Variants in SEZ6L observed in about 807,000 individuals in gnomAD.
SEZ6L encodes seizure 6-like protein.
In SEZ6L, 37 loss-of-function variants were observed where a neutral mutation model predicts 106.2. The ratio of observed to expected loss-of-function variants is 0.35; its 90% CI spans 0.27 to 0.46. The LOEUF (loss-of-function observed/expected upper bound fraction) is 0.46. Among genes scored for constraint, SEZ6L ranks in the 20% least tolerant of loss-of-function variants. The pLI, the probability that SEZ6L is intolerant of heterozygous loss-of-function variation, is 1.00. For missense variants in SEZ6L, 1,172 were observed against 1,332.8 expected, an observed-to-expected ratio of 0.88 and a Z score of 1.88; for synonymous variants, 541 against 570.4, an observed-to-expected ratio of 0.95 and a Z score of 0.73.
chr22:26,306,465 T>C (rs1186872961), intron 6 of SEZ6L, among the ~76,000 whole-genome samples: 1 of 152,144 alleles, frequency 6.6e-6, no homozygotes, highest in Non-Finnish European at 1.5e-5. Flanking sequence ...TATGTATTGA[T>C]CATCTGCTCA....
At chr22:26,184,506 C>A (rs945963030) in intron 1 of SEZ6L, among the ~76,000 whole-genome samples, 3 of 152,198 alleles carry the variant, frequency 2.0e-5, no homozygotes, top group Non-Finnish European at 2.9e-5. Flanking sequence ...ACTGATTCAA[C>A]CCCAAGAAGC....
chr22:26,194,860 T>C (rs6004953), intron 1 of SEZ6L, among the ~76,000 whole-genome samples: 2,231 of 152,312 alleles, frequency 0.015, 55 homozygotes, highest in African/African-American at 0.051. Context: ...CTTACTTAAG[T>C]GTTCAGCATA....
chr22:26,208,862 G>C (rs939726341), intron 1 of SEZ6L, among the ~76,000 whole-genome samples: 3,839 of 116,742 alleles, frequency 0.033, 122 homozygotes, highest in African/African-American at 0.083. Context: ...GTGTGTGTGT[G>C]TGTGTGTGTG....
At position 26,310,759 on chromosome 22, in the gene SEZ6L, G is replaced by C. The variant is rs1170106392; in HGVS notation, c.1604G>C (p.Ser535Thr). The part of the protein sequence containing the change: ...TESVPFEGLL[S>T]EGNTIRIEFT... ...AGTGTCCCTTTTGAGGGCCTGCTGAGCGAAGGCAACACCATCCGCATCGAG... is the reference window on the plus strand; with the variant it reads ...AGTGTCCCTTTTGAGGGCCTGCTGACCGAAGGCAACACCATCCGCATCGAG... Residue 535 changes from serine (S) to threonine (T), a missense_variant, in exon 7 of 17, where the codon AGC becomes ACC. This residue lies in a region of SEZ6L where 534 missense variants were observed against 691.0 expected (regional missense o/e 0.77). Transcript: ENST00000248933. 6.2e-7 allele frequency: 1 copy of C among 1,614,030 alleles called. No individual in the cohort carries two copies. Among genetic ancestry groups the C allele is most frequent in the Non-Finnish European group, 8.5e-7 (1 of 1,180,030 alleles).
At chr22:26,300,483 C>T (rs1481845245) in intron 5 of SEZ6L, among the ~76,000 whole-genome samples, 2 of 152,196 alleles carry the variant, frequency 1.3e-5, no homozygotes, top group Non-Finnish European at 2.9e-5. Context: ...AGGACATGAA[C>T]TCATCATTTT....
intron 1 of SEZ6L, among the ~76,000 whole-genome samples, chr22:26,279,055 T>C (rs888174804): frequency 2.7e-5 from 4 of 149,570 alleles, no homozygotes; most frequent in Admixed American, 2.0e-4. Flanking sequence ...CTCATCCAAC[T>C]TCCCCCCCAA....
At chr22:26,201,375 A>T (rs1940934222) in intron 1 of SEZ6L, among the ~76,000 whole-genome samples, 1 of 123,956 alleles carries the variant, frequency 8.1e-6, no homozygotes, top group South Asian at 2.9e-4. Context: ...ACAAAAATAC[A>T]AAAATACAAA....
intron 9 of SEZ6L, among the ~76,000 whole-genome samples, chr22:26,337,307 T>G (rs569606174): frequency 6.6e-6 from 1 of 152,298 alleles, no homozygotes; most frequent in African/African-American, 2.4e-5. Context: ...GAAAGCTATT[T>G]TCACCCTTGA....
At position 26,375,638 on chromosome 22, in the gene SEZ6L, C is replaced by G. The variant is rs757195212; in HGVS notation, c.2891C>G (p.Pro964Arg). ...GGNMALAIFI[P>R]VLIISLLLGG... is the part of the protein sequence containing the mutation. Reference sequence around the variant, plus strand: ...AACATGGCCCTGGCTATCTTCATCCCGGTCCTCATCATCTCCTTACTGCTG... The same window carrying G: ...AACATGGCCCTGGCTATCTTCATCCGGGTCCTCATCATCTCCTTACTGCTG... Residue 964 changes from proline to arginine, a missense_variant, in exon 15 of 17, where the codon CCG becomes CGG. By Grantham distance (103) the Pro-to-Arg change is moderately radical. This residue lies in a region of SEZ6L where 141 missense variants were observed against 176.0 expected (regional missense o/e 0.80). Coordinates refer to ENST00000248933, the MANE Select transcript of SEZ6L (RefSeq NM_021115.5). 2 of 1,613,964 alleles carry G rather than the reference C, an allele frequency of 1.2e-6. No individual in the cohort carries two copies. Among genetic ancestry groups the G allele is most frequent in the African/African-American group, 1.3e-5 (1 of 74,882 alleles).
At chr22:26,336,069 G>A (rs555840476) in intron 9 of SEZ6L, among the ~76,000 whole-genome samples, 2 of 152,136 alleles carry the variant, frequency 1.3e-5, no homozygotes, top group Admixed American at 6.5e-5. Flanking sequence ...TAGCTGCATC[G>A]ATGTTAGTAG....
intron 10 of SEZ6L, among the ~76,000 whole-genome samples, chr22:26,345,638 A>G (rs1196084214): frequency 2.0e-5 from 3 of 152,176 alleles, no homozygotes; most frequent in Non-Finnish European, 4.4e-5. Context: ...GCAGACACCC[A>G]TGAGATCTCC....
chr22:26,381,346 G>A lies in SEZ6L; in HGVS notation c.*1051G>A, dbSNP rs1183020349. The A allele has an allele frequency of 6.6e-6, 1 of 152,194 alleles. No individual in the cohort carries two copies. Among genetic ancestry groups the A allele is most frequent in the Non-Finnish European group, 1.5e-5 (1 of 68,044 alleles). 9.4% of individuals were successfully genotyped at this position (152,194 alleles called of 1,614,324 possible). A position where few individuals can be genotyped will look rare whatever the true frequency, so the allele number is the denominator to read the frequency against. ...CTCAAGTGCACTGATTCTCTAAAAG[G>A]TGTCATCTTCAGAATATACTTGCCA... On this transcript the variant is annotated 3_prime_UTR_variant, in exon 17 of 17. Transcript: ENST00000248933.
chr22:26,200,852 G>C (rs898298038), intron 1 of SEZ6L, among the ~76,000 whole-genome samples: 1 of 152,016 alleles, frequency 6.6e-6, no homozygotes, highest in African/African-American at 2.4e-5. Flanking sequence ...CTTGAACCAC[G>C]TGGATGACTC....
chr22:26,169,959 T>G (rs930795758), intron 1 of SEZ6L, among the ~76,000 whole-genome samples, 196 bp downstream of exon 1: 5 of 152,094 alleles, frequency 3.3e-5, no homozygotes, highest in African/African-American at 9.7e-5. Flanking sequence ...GGGGATGTGT[T>G]GAAGGACTCG....
At chr22:26,170,407 C>A (rs1206539833) in intron 1 of SEZ6L, among the ~76,000 whole-genome samples, 1 of 152,070 alleles carries the variant, frequency 6.6e-6, no homozygotes, top group Non-Finnish European at 1.5e-5. Context: ...TGTTAGTTAG[C>A]AGTTGGGAAC....
In SEZ6L at chr22:26,332,206, G is replaced by T. The variant is rs534384878; in HGVS notation, c.2016-8230G>T. Among the ~76,000 whole-genome samples, 434 of 144,902 alleles carry T rather than the reference G, an allele frequency of 3.0e-3. 7 individuals carry two copies. Among genetic ancestry groups the T allele is most frequent in the African/African-American group, 0.01 (396 of 38,536 alleles). ...GCTCTGTTGCCCAGGCTGGAGTGCA[G>T]TGGCGCGATCTCGGCTCACTGCAAC... On this transcript the variant is annotated intron_variant, in intron 9 of 16. Coordinates refer to ENST00000248933, the MANE Select transcript of SEZ6L (RefSeq NM_021115.5).
intron 9 of SEZ6L, among the ~76,000 whole-genome samples, chr22:26,334,783 C>G (rs1423355184): frequency 6.6e-6 from 1 of 152,214 alleles, no homozygotes; most frequent in African/African-American, 2.4e-5. Context: ...GCCTTTCACT[C>G]TGGCACCTGA....
chr22:26,256,789 T>A (rs2079836873), intron 1 of SEZ6L, among the ~76,000 whole-genome samples: 1 of 152,232 alleles, frequency 6.6e-6, no homozygotes, highest in East Asian at 1.9e-4. Flanking sequence ...GGGCCTGGCA[T>A]CTGTGCTTTA....
At chr22:26,206,894 C>G (rs1026495845) in intron 1 of SEZ6L, among the ~76,000 whole-genome samples, 1 of 152,170 alleles carries the variant, frequency 6.6e-6, no homozygotes, top group Non-Finnish European at 1.5e-5. Context: ...AGCTAATCTT[C>G]TAGGCCTGAT....
Sources: allele counts gnomAD v4.1 joint callset (sites outside exome capture counted in the v4.1 genomes callset), GRCh38; gene constraint gnomAD v4.1.1; regional missense constraint gnomAD v4.1.1; transcripts MANE v1.5; gene names NCBI Gene and HGNC (gene_info 2026-07-23, HGNC 2026-07-21).